The following GULP1 variants were observed in gnomAD, a reference collection of about 807,000 sequenced individuals.
The protein encoded by GULP1 is PTB domain-containing engulfment adapter protein 1.
A neutral mutation model predicts 40.9 loss-of-function variants in GULP1; 19 were observed. That is an observed-to-expected ratio of 0.46 (90% CI 0.32 to 0.68). The LOEUF is 0.68. GULP1 is among the 30% of genes least tolerant of loss of function. The pLI is 0.03. For synonymous variants in GULP1, 119 were observed against 117.6 expected (o/e 1.01, Z -0.08); for missense variants, 312 against 362.2 (o/e 0.86, Z 1.12).
chr2:188,335,654 G>A (rs555031077), intron 1 of GULP1, among the ~76,000 whole-genome samples: 1 of 152,228 alleles, frequency 6.6e-6, no homozygotes, highest in Non-Finnish European at 1.5e-5. Context: ...CGTGTCTATA[G>A]TACTTTGCAT....
At chr2:188,404,469 C>G (rs1446930025) in intron 2 of GULP1, among the ~76,000 whole-genome samples, 1 of 152,106 alleles carries the variant, frequency 6.6e-6, no homozygotes, top group East Asian at 1.9e-4. Flanking sequence ...AGAAGTGAGC[C>G]CTGGGTTTTG....
chr2:188,311,034 C>T (rs1203262165), intron 1 of GULP1, among the ~76,000 whole-genome samples: 1 of 152,110 alleles, frequency 6.6e-6, no homozygotes, highest in African/African-American at 2.4e-5. Context: ...TGCAGCTTTC[C>T]GTGTCCACAC....
intron 10 of GULP1, among the ~76,000 whole-genome samples, chr2:188,587,508 A>G (rs1702634713): frequency 6.6e-6 from 1 of 152,126 alleles, no homozygotes; most frequent in Non-Finnish European, 1.5e-5. Context: ...TGAGTAGTGC[A>G]TTAATTTTAG....
chr2:188,298,927 C>T (rs111454694), intron 1 of GULP1, among the ~76,000 whole-genome samples: 110 of 152,248 alleles, frequency 7.2e-4, no homozygotes, highest in African/African-American at 2.1e-3. Context: ...GTGCCTCTCA[C>T]GGATGGAGCA....
intron 2 of GULP1, among the ~76,000 whole-genome samples, chr2:188,443,069 CTA>C (rs2152876041): frequency 6.6e-6 from 1 of 152,190 alleles, no homozygotes; most frequent in South Asian, 2.1e-4. Context: ...AATATTAAAA[CTA>C]TTCATGTTTG....
intron 2 of GULP1, among the ~76,000 whole-genome samples, chr2:188,476,429 G>A (rs183864352): frequency 6.6e-6 from 1 of 152,212 alleles, no homozygotes; most frequent in Non-Finnish European, 1.5e-5. Flanking sequence ...TTACTGTCTT[G>A]TCATCTGAAG....
intron 1 of GULP1, among the ~76,000 whole-genome samples, chr2:188,301,368 G>T (rs1456853753): frequency 6.6e-6 from 1 of 152,098 alleles, no homozygotes; most frequent in Non-Finnish European, 1.5e-5. Flanking sequence ...AACCAGGTGT[G>T]ATTTTGTACC....
chr2:188,418,082 AAGACT>A (rs1425261102), intron 2 of GULP1, among the ~76,000 whole-genome samples: 1 of 151,840 alleles, frequency 6.6e-6, no homozygotes, highest in African/African-American at 2.4e-5. Flanking sequence ...CTATAGTTTT[AAGACT>A]ATAGGTGTGA....
chr2:188,453,168 A>G (rs2058975644), intron 2 of GULP1, among the ~76,000 whole-genome samples: 1 of 152,068 alleles, frequency 6.6e-6, no homozygotes, highest in Non-Finnish European at 1.5e-5. Flanking sequence ...ATCTACCACA[A>G]ATATCTGTTT....
At chr2:188,352,354 T>G (rs1312930978) in intron 1 of GULP1, among the ~76,000 whole-genome samples, 2 of 152,118 alleles carry the variant, frequency 1.3e-5, no homozygotes, top group Non-Finnish European at 2.9e-5. Flanking sequence ...TTTCTGGCCT[T>G]CAGACTTGGA....
chr2:188,384,900 T>C (rs1200158933), intron 2 of GULP1, among the ~76,000 whole-genome samples: 3 of 152,204 alleles, frequency 2.0e-5, no homozygotes, highest in Non-Finnish European at 4.4e-5. Flanking sequence ...CCCATGGTCT[T>C]GGGCAGCTGC....
chr2:188,481,418 G>A (rs1469256736), intron 3 of GULP1, among the ~76,000 whole-genome samples: 1 of 151,894 alleles, frequency 6.6e-6, no homozygotes, highest in Non-Finnish European at 1.5e-5. Flanking sequence ...TAAATGTACT[G>A]CTCATACCTG....
chr2:188,407,610 C>T (rs903452698), intron 2 of GULP1, among the ~76,000 whole-genome samples: 1 of 152,006 alleles, frequency 6.6e-6, no homozygotes, highest in African/African-American at 2.4e-5. Context: ...TTGTGTAAGC[C>T]TGCTGGCAAC....
At chr2:188,481,657 A>G (rs2061456415) in intron 3 of GULP1, among the ~76,000 whole-genome samples, 1 of 151,932 alleles carries the variant, frequency 6.6e-6, no homozygotes, top group African/African-American at 2.4e-5. Flanking sequence ...GAAAGAAATT[A>G]TTAATACCTC....
intron 7 of GULP1, 177 bp downstream of exon 7, chr2:188,541,495 G>T (rs1228605229): frequency 1.5e-6 from 1 of 662,852 alleles, no homozygotes; most frequent in Non-Finnish European, 2.7e-6. Flanking sequence ...ATATGCTTCA[G>T]GATTTCATCT....
At chr2:188,371,755 ATTTAT>A (rs2047631747) in intron 1 of GULP1, among the ~76,000 whole-genome samples, 1 of 152,126 alleles carries the variant, frequency 6.6e-6, no homozygotes, top group Non-Finnish European at 1.5e-5. Context: ...AGTTATTATA[ATTTAT>A]TTACTTGTCT....
chr2:188,532,814 A>C (rs1450429135), intron 6 of GULP1, among the ~76,000 whole-genome samples: 1 of 151,442 alleles, frequency 6.6e-6, no homozygotes, highest in Non-Finnish European at 1.5e-5. Context: ...CCAGCCACTC[A>C]GGAGGCTGAG....
rs369004912 is a variant in GULP1 at position 188,569,338 on chromosome 2, G to A, written c.499G>A (p.Ala167Thr). ...GKDVETRKQIAGLQKRIQDLE... is the reference protein window; with the variant it reads ...GKDVETRKQITGLQKRIQDLE... Reference sequence around the variant, plus strand: ...AGATGTTGAAACAAGAAAACAGATCGCAGGGTTACAAAAAAGAGTGAGTAA... The same window carrying A: ...AGATGTTGAAACAAGAAAACAGATCACAGGGTTACAAAAAAGAGTGAGTAA... The change falls in exon 8 of 12, where the codon GCA becomes ACA. Residue 167 changes from alanine to threonine, a missense_variant. Coordinates refer to ENST00000409830, the MANE Select transcript of GULP1 (RefSeq NM_016315.4). The A allele has an allele frequency of 1.2e-4, 192 of 1,543,614 alleles. No homozygotes were observed. Among genetic ancestry groups the A allele is most frequent in the Non-Finnish European group, 1.6e-4 (180 of 1,116,372 alleles).
At chr2:188,529,026 A>G in intron 5 of GULP1, 71 bp from the exon 6 acceptor site, 1 of 759,074 alleles carries the variant, frequency 1.3e-6, no homozygotes, top group Non-Finnish European at 2.2e-6. Flanking sequence ...TGAACTCCAA[A>G]TGTATATTTA....
Sources: allele counts gnomAD v4.1 joint callset (sites outside exome capture counted in the v4.1 genomes callset), GRCh38; gene constraint gnomAD v4.1.1; transcripts MANE v1.5; gene names NCBI Gene and HGNC (gene_info 2026-07-23, HGNC 2026-07-21).